Variants in XAB2 observed in about 807,000 individuals in gnomAD.
XAB2 encodes pre-mRNA-splicing factor SYF1.
In XAB2, 57 loss-of-function variants were observed where a neutral mutation model predicts 113.4. The ratio of observed to expected loss-of-function variants is 0.50; its 90% CI spans 0.41 to 0.63. The LOEUF (loss-of-function observed/expected upper bound fraction) is 0.63, where lower values mean the gene tolerates loss of function less well. XAB2 is among the 20% of genes least tolerant of loss of function. The probability of loss-of-function intolerance (pLI) is 0.00; values close to 1 mark genes in which losing one functional copy is unlikely to be tolerated. For synonymous variants in XAB2, 497 were observed against 498.8 expected (o/e 1.00, Z 0.05); for missense variants, 1,037 against 1,233.3 (o/e 0.84, Z 2.38).
chr19:7,626,295 C>G, intron 4 of XAB2, 25 bp from the exon 5 acceptor site: 1 of 1,598,010 alleles, frequency 6.3e-7, no homozygotes, highest in Non-Finnish European at 8.5e-7. Flanking sequence ...ACCCCTCAGG[C>G]AGTCAGTGGG....
rs149482987 is a variant in XAB2, at chr19:7,622,635, C to A, written c.1398G>T (p.Arg466=). 1 of 1,611,764 alleles carries A rather than the reference C, an allele frequency of 6.2e-7. No individual in the cohort carries two copies. Among genetic ancestry groups the A allele is most frequent in the African/African-American group, 1.3e-5 (1 of 75,076 alleles). Residue 466 remains arginine (R), a synonymous_variant, in exon 11 of 19, where the codon CGG becomes CGT. Transcript: ENST00000358368. ...GCTCTGAACCATCAAAGTACTCGGC[C>A]CGGCGGGCAGGCAGCGCCGTGGCCT... ...LRKATALPAR[R]AEYFDGSEPV... is the part of the protein sequence containing the mutation.
Position 7,619,537 on chromosome 19 carries a change from G to A in XAB2, c.*49C>T, listed in dbSNP as rs372883858. 3 of 1,364,720 alleles carry A rather than the reference G, an allele frequency of 2.2e-6. No individual in the cohort carries two copies. The highest frequency in any genetic ancestry group is 9.8e-7 in the Non-Finnish European group (1 of 1,019,458). The allele number at this position is 1,364,720 out of a possible 1,614,324, so 84.5% of individuals were successfully genotyped here. A position where few individuals can be genotyped will look rare whatever the true frequency, so the allele number is the denominator to read the frequency against. On this transcript the variant is annotated 3_prime_UTR_variant, in exon 19 of 19. Transcript: ENST00000358368. ...GAGGCTCAGACCATGATGTACAAAC[G>A]TAGCTGTATTGGGGAGGGGGTGGGG...
rs4134866 is a variant in XAB2, at chr19:7,620,297, G to A, written c.2244C>T (p.Val748=). ...CACCGGTGCCCGTGGCACTGCCCGA[G>A]ACCTTGAGCATCTGCGAGGCCATGA... ...VNFMASQMLK[V]SGSATGTVSD... Residue 748 remains valine, a synonymous_variant, in exon 16 of 19, where the codon GTC becomes GTT. Transcript: ENST00000358368. 2,578 of 1,613,558 alleles carry A rather than the reference G, an allele frequency of 1.6e-3. 30 individuals are homozygous for A. In the African/African-American group the frequency reaches 0.029, roughly 18 times the overall value.
Position 7,623,760 on chromosome 19 carries a change from C to T in XAB2, c.1090G>A (p.Val364Ile). The T allele has an allele frequency of 1.9e-6, 3 of 1,610,402 alleles. No individual in the cohort carries two copies. The highest frequency in any genetic ancestry group is 1.7e-6 in the Non-Finnish European group (2 of 1,179,022). The part of the protein sequence containing the change: ...PHHVHEWHKR[V>I]ALHQGRPREI... ...CGGGGGCGGCCCTGGTGCAGGGCGA[C>T]ACGCTTGTGCCACTCGTGCACGTGG... The change falls in exon 8 of 19, where the codon GTC becomes ATC. Residue 364 changes from valine to isoleucine, a missense_variant. Val to Ile is a conservative substitution (Grantham distance 29). Coordinates refer to ENST00000358368, the MANE Select transcript of XAB2 (RefSeq NM_020196.3). This position sits in a 1 kb window ranked among gnomAD's most constrained non-coding sequence, Gnocchi z 4.6.
At position 7,623,893 on chromosome 19, in the gene XAB2, C is replaced by A. The variant is rs200634150; in HGVS notation, c.968-11G>T. The A allele has an allele frequency of 1.3e-6, 2 of 1,553,978 alleles. No homozygotes were observed. Among genetic ancestry groups the A allele is most frequent in the African/African-American group, 1.4e-5 (1 of 73,492 alleles). ...CCAGGTCCACATCATCTGGGAGCCG[C>A]GAACATGTTTGTCAGGGGCGGAGAC... On this transcript the variant is annotated splice_polypyrimidine_tract_variant and intron_variant, in intron 7 of 18. Transcript: ENST00000358368. The surrounding 1 kb of genome is among the most constrained non-coding windows in gnomAD (Gnocchi z 4.6).
rs140055980 is a variant in XAB2, at chr19:7,627,390, G to C, written c.375C>G (p.Arg125=). The C allele has an allele frequency of 3.7e-6, 6 of 1,607,456 alleles. No individual in the cohort carries two copies. The highest frequency in any genetic ancestry group is 5.1e-6 in the Non-Finnish European group (6 of 1,177,872). ...CGAAGGTGCGGCGGGTGTGTGTGAC[G>C]CGCCCCTGGTCCATGAGGAACTGGC... is the stretch of plus-strand genomic sequence containing the variant. The part of the protein sequence containing the change: ...DYCQFLMDQG[R]VTHTRRTFDR... The change falls in exon 4 of 19, where the codon CGC becomes CGG. Residue 125 remains arginine, a synonymous_variant. Coordinates refer to ENST00000358368, the MANE Select transcript of XAB2 (RefSeq NM_020196.3). This position sits in a 1 kb window ranked among gnomAD's most constrained non-coding sequence, Gnocchi z 4.5.
chr19:7,622,920 G>C (rs1397355976), intron 9 of XAB2, 27 bp from the exon 10 acceptor site: 3 of 1,610,172 alleles, frequency 1.9e-6, no homozygotes, highest in Non-Finnish European at 2.5e-6. Context: ...AGGCGAGGCT[G>C]AGACCCTGCC....
rs181514316 is a variant in XAB2 at position 7,620,002 on chromosome 19, C to T, written c.2340G>A (p.Ala780=). 1.5e-5 allele frequency: 24 copies of T among 1,612,470 alleles called. No homozygotes were observed. The highest frequency in any genetic ancestry group is 9.3e-5 in the African/African-American group (7 of 75,060). The change falls in exon 17 of 19, where the codon GCG becomes GCA. Residue 780 remains alanine, a synonymous_variant. Coordinates refer to ENST00000358368, the MANE Select transcript of XAB2 (RefSeq NM_020196.3). Reference sequence around the variant, plus strand: ...AGGGCTGGTCACGCTCCGCCTCAGCCGCCAGCTGCTCTGCCCGCTGTTCCA... The same window carrying T: ...AGGGCTGGTCACGCTCCGCCTCAGCTGCCAGCTGCTCTGCCCGCTGTTCCA... ...KLLEQRAEQL[A]AEAERDQPLR...
chr19:7,623,866 C>T lies in XAB2; in HGVS notation c.984G>A (p.Glu328=). The change falls in exon 8 of 19, where the codon GAG becomes GAA. Residue 328 remains glutamate, a synonymous_variant. Transcript: ENST00000358368. The surrounding 1 kb of genome is among the most constrained non-coding windows in gnomAD (Gnocchi z 4.6). Reference sequence around the variant, plus strand: ...GCTGCTCGAAGCGGGCCAGGCGCAGCTCCAGGTCCACATCATCTGGGAGCC... The same window carrying T: ...GCTGCTCGAAGCGGGCCAGGCGCAGTTCCAGGTCCACATCATCTGGGAGCC... The part of the protein sequence containing the change: ...GREEEDDVDL[E]LRLARFEQLI... The T allele has an allele frequency of 6.3e-7, 1 of 1,592,214 alleles. No individual in the cohort carries two copies. The highest frequency in any genetic ancestry group is 8.5e-7 in the Non-Finnish European group (1 of 1,172,118).
rs2031188960 is a variant in XAB2 at position 7,628,421 on chromosome 19, G to C, written c.52-123C>G. The C allele has an allele frequency of 5.7e-6, 7 of 1,234,552 alleles. No individual in the cohort carries two copies. The highest frequency in any genetic ancestry group is 1.5e-5 in the African/African-American group (1 of 66,516). The allele number at this position is 1,234,552 out of a possible 1,614,324, so 76.5% of individuals were successfully genotyped here. A position where few individuals can be genotyped will look rare whatever the true frequency, so the allele number is the denominator to read the frequency against. ...TTACCTAGATCCCACCACCCACCAA[G>C]GAAGTCAGGTCACCAGATGCCCAGG... On this transcript the variant is annotated intron_variant, in intron 1 of 18. Transcript: ENST00000358368. This position sits in a 1 kb window ranked among gnomAD's most constrained non-coding sequence, Gnocchi z 4.6.
In XAB2 at chr19:7,620,095, G is replaced by A; in HGVS notation, c.2267-20C>T. The A allele has an allele frequency of 6.2e-7, 1 of 1,608,442 alleles. No homozygotes were observed. The highest frequency in any genetic ancestry group is 8.5e-7 in the Non-Finnish European group (1 of 1,179,712). ...CAGACACTAGGGGGTGGGAGCAGGG[G>A]GTCAGCGCCACGGGGGCCCCTCCCA... On this transcript the variant is annotated intron_variant, in intron 16 of 18. Coordinates refer to ENST00000358368, the MANE Select transcript of XAB2 (RefSeq NM_020196.3).
chr19:7,620,718 G>T, intron 14 of XAB2, 49 bp from the exon 15 acceptor site: 2 of 1,605,444 alleles, frequency 1.2e-6, no homozygotes, highest in Non-Finnish European at 1.7e-6. Context: ...GGTAGCTCGG[G>T]GGCTCCCAAC....
intron 14 of XAB2, 66 bp from the exon 15 acceptor site, chr19:7,620,735 T>C (rs778335494): frequency 8.5e-5 from 135 of 1,595,746 alleles, no homozygotes; most frequent in Admixed American, 2.2e-4. Context: ...CAACACACCA[T>C]GGCCATCCCT....
In XAB2 at chr19:7,623,027, C is replaced by G; in HGVS notation, c.1240-134G>C. ...AGGCACACACACAGGCACACACATG[C>G]GTGCACATATGCATGCACCCAAATG... On this transcript the variant is annotated intron_variant, in intron 9 of 18. Coordinates refer to ENST00000358368, the MANE Select transcript of XAB2 (RefSeq NM_020196.3). The surrounding 1 kb of genome is among the most constrained non-coding windows in gnomAD (Gnocchi z 4.6). 6.5e-7 allele frequency: 1 copy of G among 1,529,128 alleles called. No individual in the cohort carries two copies. Among genetic ancestry groups the G allele is most frequent in the Non-Finnish European group, 8.8e-7 (1 of 1,134,208 alleles). 94.7% of individuals were successfully genotyped at this position (1,529,128 alleles called of 1,614,324 possible). A position where few individuals can be genotyped will look rare whatever the true frequency, so the allele number is the denominator to read the frequency against.
intron 12 of XAB2, chr19:7,621,721 A>C: frequency 5.3e-6 from 1 of 188,212 alleles, no homozygotes; most frequent in African/African-American, 2.3e-5. Flanking sequence ...ACACTCAAAC[A>C]TGACTGCTCC....
rs573463512 is a variant in XAB2 at position 7,619,722 on chromosome 19, G to A, written c.2506+25C>T. 2.5e-5 allele frequency: 41 copies of A among 1,612,530 alleles called. No individual in the cohort carries two copies. The East Asian group carries it at 6.2e-4, about 25-fold the overall frequency. On this transcript the variant is annotated intron_variant, in intron 18 of 18. Coordinates refer to ENST00000358368, the MANE Select transcript of XAB2 (RefSeq NM_020196.3). ...CGAGGCCCACCCTGGTAATGCCACC[G>A]TCCCCGCCCCAGCCGGGCCCTCACC...
chr19:7,625,296 A>T lies in XAB2; in HGVS notation c.822+584T>A, dbSNP rs2031114775. On this transcript the variant is annotated intron_variant, in intron 6 of 18. Transcript: ENST00000358368. The surrounding 1 kb of genome is among the most constrained non-coding windows in gnomAD (Gnocchi z 5.2). ...GTGACAGGCAGTAACTGTCACCCTG[A>T]TTTTACAAATGAAGACACCCCACCT... Among the ~76,000 whole-genome samples, 1 of 152,020 alleles carries T rather than the reference A, an allele frequency of 6.6e-6. No homozygotes were observed. Among genetic ancestry groups the T allele is most frequent in the Admixed American group, 6.5e-5 (1 of 15,274 alleles).
rs897972844 is a variant in XAB2 at position 7,628,894 on chromosome 19, G to A, written c.51+583C>T. Among the ~76,000 whole-genome samples the A allele has an allele frequency of 2.6e-5, 4 of 152,170 alleles. No individual in the cohort carries two copies. Among genetic ancestry groups the A allele is most frequent in the Admixed American group, 1.3e-4 (2 of 15,282 alleles). On this transcript the variant is annotated intron_variant, in intron 1 of 18. Transcript: ENST00000358368. This position sits in a 1 kb window ranked among gnomAD's most constrained non-coding sequence, Gnocchi z 4.6. The stretch of plus-strand genomic sequence containing the variant: ...AAAGCTAGGCCTTTATCTCACAGGA[G>A]GAGTTATACACCAGAAGCCAAGCCT...
At chr19:7,621,094 A>AAACCCCC in intron 13 of XAB2, 41 bp downstream of exon 13, 17 of 1,494,358 alleles carry the variant, frequency 1.1e-5, no homozygotes, top group Admixed American at 2.0e-5. Flanking sequence ...TCAGAAACCC[A>AAACCCCC]GCCCGCCCGC....
Sources: gnomAD v4.1 joint callset for allele counts (sites outside exome capture counted in the v4.1 genomes callset) on GRCh38, gnomAD v4.1.1 for gene constraint, Gnocchi (gnomAD v3.1) non-coding constraint, MANE v1.5 for transcripts, NCBI Gene and HGNC (gene_info 2026-07-23, HGNC 2026-07-21) for gene names.